The following SLC4A4 variants were observed in gnomAD, a reference collection of about 807,000 sequenced individuals.
SLC4A4 encodes electrogenic sodium bicarbonate cotransporter 1.
In SLC4A4, 27 loss-of-function variants were observed where a neutral mutation model predicts 111.5. That is an observed-to-expected ratio of 0.24 (90% CI 0.18 to 0.33). The LOEUF is 0.33. Ranked by LOEUF, SLC4A4 falls within the 10% of genes least tolerant of loss-of-function variation. The probability of loss-of-function intolerance (pLI) is 1.00; values close to 1 mark genes in which losing one functional copy is unlikely to be tolerated. For missense variants in SLC4A4, 909 were observed against 1,315.5 expected (o/e 0.69, Z 4.78); for synonymous variants, 443 against 463.4 (o/e 0.96, Z 0.57).
At chr4:71,153,033 G>GTGTGTA (rs386400441) in intron 2 of SLC4A4, among the ~76,000 whole-genome samples, 2 of 132,720 alleles carry the variant, frequency 1.5e-5, no homozygotes, top group African/African-American at 5.2e-5. Context: ...ATATGTGTGT[G>GTGTGTA]TATATATATA....
At chr4:71,090,857 A>T (rs1364784721) in intron 1 of SLC4A4, among the ~76,000 whole-genome samples, 2 of 152,238 alleles carry the variant, frequency 1.3e-5, no homozygotes, top group East Asian at 1.9e-4. Flanking sequence ...GTAGCCAGGG[A>T]TGCAGAAGGA....
At chr4:71,550,237 A>T (rs770893329) in intron 20 of SLC4A4, among the ~76,000 whole-genome samples, 13 of 152,028 alleles carry the variant, frequency 8.6e-5, no homozygotes, top group Non-Finnish European at 1.6e-4. Context: ...AGAATAAAAC[A>T]GTCAAGGATT....
chr4:71,064,291 G>C (rs1741460604), intron 1 of SLC4A4, among the ~76,000 whole-genome samples: 1 of 152,176 alleles, frequency 6.6e-6, no homozygotes, highest in Non-Finnish European at 1.5e-5. Flanking sequence ...CTAGTGAAAA[G>C]ATGAAATGAG....
intron 7 of SLC4A4, among the ~76,000 whole-genome samples, chr4:71,439,426 ACT>A (rs1339809381): frequency 9.4e-6 from 1 of 106,458 alleles, no homozygotes; most frequent in Non-Finnish European, 1.8e-5. Context: ...ACAGAGCAAG[ACT>A]CTGTCTCAAA....
chr4:71,134,139 T>C (rs760705079), intron 2 of SLC4A4, among the ~76,000 whole-genome samples: 50 of 152,376 alleles, frequency 3.3e-4, no homozygotes, highest in East Asian at 9.6e-4. Flanking sequence ...AATCATTATA[T>C]TTTTATATGA....
intron 1 of SLC4A4, among the ~76,000 whole-genome samples, chr4:71,191,361 A>G (rs1230516409): frequency 2.0e-5 from 3 of 152,240 alleles, no homozygotes; most frequent in African/African-American, 7.2e-5. Context: ...CTGAAAACTA[A>G]GTAAATATAA....
chr4:71,246,746 G>GT (rs35778864), intron 2 of SLC4A4, among the ~76,000 whole-genome samples: 104,084 of 151,936 alleles, frequency 0.69, 39,737 homozygotes, highest in Non-Finnish European at 0.87. Flanking sequence ...TCTTTTGGCT[G>GT]TTTTTTCCAG....
chr4:71,376,149 GTA>G (rs576894831), intron 6 of SLC4A4, among the ~76,000 whole-genome samples: 1,883 of 53,786 alleles, frequency 0.035, 57 homozygotes, highest in East Asian at 0.25. Flanking sequence ...ATATATACCT[GTA>G]TATATACACA....
At chr4:71,547,496 T>C (rs1055139423) in intron 19 of SLC4A4, 152 bp from the exon 20 acceptor site, 2 of 702,022 alleles carry the variant, frequency 2.8e-6, no homozygotes, top group Non-Finnish European at 5.2e-6. Flanking sequence ...GTTTATACGC[T>C]ATCCTTGAGG....
intron 1 of SLC4A4, among the ~76,000 whole-genome samples, chr4:71,192,321 A>G (rs1745768782): frequency 6.6e-6 from 1 of 152,192 alleles, no homozygotes; most frequent in African/African-American, 2.4e-5. Context: ...CAGGCAAAAT[A>G]GAGGGTAAAA....
At chr4:71,313,261 G>A (rs1726363069) in intron 3 of SLC4A4, among the ~76,000 whole-genome samples, 1 of 152,194 alleles carries the variant, frequency 6.6e-6, no homozygotes. Flanking sequence ...ACAAACCACT[G>A]CTCAAGGAAA....
chr4:71,557,314 A>G (rs1182681691), intron 21 of SLC4A4, among the ~76,000 whole-genome samples: 1 of 151,962 alleles, frequency 6.6e-6, no homozygotes, highest in East Asian at 1.9e-4. Context: ...CTTTGTTCAG[A>G]TAAGACAACT....
At chr4:71,249,072 C>CT (rs1720879181) in intron 2 of SLC4A4, among the ~76,000 whole-genome samples, 1 of 152,022 alleles carries the variant, frequency 6.6e-6, no homozygotes, top group African/African-American at 2.4e-5. Flanking sequence ...AAGTAACAAG[C>CT]TAAGATTTCT....
At chr4:71,458,189 T>C (rs905754779) in intron 12 of SLC4A4, among the ~76,000 whole-genome samples, 5 of 152,030 alleles carry the variant, frequency 3.3e-5, no homozygotes, top group African/African-American at 1.2e-4. Context: ...TTCAGTAGAA[T>C]TTATTACTAC....
chr4:71,340,209 T>C (rs1728785912), intron 4 of SLC4A4, among the ~76,000 whole-genome samples: 1 of 152,110 alleles, frequency 6.6e-6, no homozygotes, highest in Non-Finnish European at 1.5e-5. Flanking sequence ...GGGTGACAGA[T>C]TGAAACCCTG....
At chr4:71,389,463 T>G (rs1719067836) in intron 6 of SLC4A4, among the ~76,000 whole-genome samples, 1 of 152,206 alleles carries the variant, frequency 6.6e-6, no homozygotes, top group South Asian at 2.1e-4. Flanking sequence ...CACTCTGCCT[T>G]ATTTCTCCTC....
intron 7 of SLC4A4, among the ~76,000 whole-genome samples, chr4:71,419,623 G>A (rs111921246): frequency 0.2 from 30,015 of 152,204 alleles, 3,298 homozygotes; most frequent in South Asian, 0.42. Flanking sequence ...CTAGGAAAGG[G>A]AACTCGCTGA....
chr4:71,254,409 T>C (rs1368856361), intron 2 of SLC4A4, among the ~76,000 whole-genome samples: 1 of 152,086 alleles, frequency 6.6e-6, no homozygotes, highest in Non-Finnish European at 1.5e-5. Context: ...CACAATCTTT[T>C]TTCCTCATGC....
At chr4:71,179,399 C>A (rs994661330) in intron 2 of SLC4A4, among the ~76,000 whole-genome samples, 11 of 152,220 alleles carry the variant, frequency 7.2e-5, no homozygotes, top group East Asian at 3.9e-4. Context: ...CAATTAGGAA[C>A]AGAGGAAGTC....
Sources: gnomAD v4.1 joint callset for allele counts (sites outside exome capture counted in the v4.1 genomes callset) on GRCh38, gnomAD v4.1.1 for gene constraint, MANE v1.5 for transcripts, NCBI Gene and HGNC (gene_info 2026-07-23, HGNC 2026-07-21) for gene names.